The following BORCS5 variants were observed in gnomAD, a reference collection of about 807,000 sequenced individuals.
BORCS5 encodes the protein BLOC-1-related complex subunit 5.
In BORCS5, 17 loss-of-function variants were observed where a neutral mutation model predicts 22.1. The ratio of observed to expected loss-of-function variants is 0.77; its 90% CI spans 0.53 to 1.15. BORCS5 has a LOEUF of 1.15. Among genes scored for constraint, BORCS5 ranks in the 50% most tolerant of loss-of-function variants. The probability of loss-of-function intolerance (pLI) is 0.00; values close to 1 mark genes in which losing one functional copy is unlikely to be tolerated. For missense variants in BORCS5, 247 were observed against 253.2 expected (o/e 0.98, Z 0.17); for synonymous variants, 117 against 99.8 (o/e 1.17, Z -1.03).
chr12:12,423,412 G>A (rs951567980), intron 2 of BORCS5, among the ~76,000 whole-genome samples: 9 of 144,084 alleles, frequency 6.2e-5, no homozygotes, highest in Admixed American at 5.5e-4. Context: ...TTGCAGGGCA[G>A]GTCTAGTATT....
chr12:12,433,322 C>CCAA (rs1942476054), intron 2 of BORCS5, among the ~76,000 whole-genome samples: 1 of 40,670 alleles, frequency 2.5e-5, no homozygotes, highest in Non-Finnish European at 5.2e-5. Flanking sequence ...GACTGTGTCT[C>CCAA]AAAAAAAAAA....
intron 2 of BORCS5, among the ~76,000 whole-genome samples, chr12:12,370,564 T>C (rs1018345262): frequency 1.3e-5 from 2 of 152,234 alleles, no homozygotes; most frequent in Admixed American, 1.3e-4. Context: ...CTACATTTAT[T>C]AGTTTATATT....
intron 2 of BORCS5, among the ~76,000 whole-genome samples, chr12:12,420,529 C>A (rs745923408): frequency 3.3e-5 from 5 of 152,138 alleles, no homozygotes; most frequent in Non-Finnish European, 7.4e-5. Flanking sequence ...GCAATGCGGG[C>A]TCTTTTTTGG....
chr12:12,449,405 G>T (rs185231189), intron 3 of BORCS5, among the ~76,000 whole-genome samples: 3 of 152,126 alleles, frequency 2.0e-5, no homozygotes, highest in Admixed American at 2.0e-4. Flanking sequence ...TTCTTTTCCT[G>T]GTTTGCTGCC....
chr12:12,439,962 C>T (rs1942649207), intron 3 of BORCS5, among the ~76,000 whole-genome samples: 1 of 152,120 alleles, frequency 6.6e-6, no homozygotes, highest in Non-Finnish European at 1.5e-5. Flanking sequence ...GATATTATTC[C>T]AGATGTTTCC....
chr12:12,459,927 C>T (rs557033876), intron 3 of BORCS5, among the ~76,000 whole-genome samples: 1 of 152,282 alleles, frequency 6.6e-6, no homozygotes, highest in South Asian at 2.1e-4. Flanking sequence ...ACCACACTAT[C>T]CTGATTACTG....
At chr12:12,412,925 T>TTA (rs1491404903) in intron 2 of BORCS5, among the ~76,000 whole-genome samples, 2 of 110,536 alleles carry the variant, frequency 1.8e-5, no homozygotes, top group African/African-American at 3.2e-5. Flanking sequence ...TTTTTTTTTT[T>TTA]ATTGATAATT....
intron 2 of BORCS5, among the ~76,000 whole-genome samples, chr12:12,419,627 T>A (rs1233826612): frequency 6.6e-6 from 1 of 152,238 alleles, no homozygotes; most frequent in Non-Finnish European, 1.5e-5. Context: ...CACATTGTCT[T>A]CCACAATGGT....
chr12:12,406,086 T>C (rs576607752), intron 2 of BORCS5, among the ~76,000 whole-genome samples: 3 of 152,368 alleles, frequency 2.0e-5, no homozygotes, highest in African/African-American at 7.2e-5. Context: ...GAAACTGTTT[T>C]ACAGAAACTG....
At position 12,357,350 on chromosome 12, in the gene BORCS5, C is replaced by T; in HGVS notation, c.-102C>T. 2.7e-6 allele frequency: 4 copies of T among 1,501,910 alleles called. No individual in the cohort carries two copies. In the Admixed American group the frequency reaches 8.6e-5, roughly 32 times the overall value. The allele number at this position is 1,501,910 out of a possible 1,614,324, so 93.0% of individuals were successfully genotyped here. A position where few individuals can be genotyped will look rare whatever the true frequency, so the allele number is the denominator to read the frequency against. On this transcript the variant is annotated 5_prime_UTR_variant, in exon 1 of 4. Coordinates refer to ENST00000314565, the MANE Select transcript of BORCS5 (RefSeq NM_058169.6). ...GCCTCGCTGCGGCGCCCAGACTCTGCTTTGCCTCCCCGTCCCGGTCCCTGG... is the reference window on the plus strand; with the variant it reads ...GCCTCGCTGCGGCGCCCAGACTCTGTTTTGCCTCCCCGTCCCGGTCCCTGG...
At chr12:12,393,679 CTG>C (rs1941259740) in intron 2 of BORCS5, among the ~76,000 whole-genome samples, 2 of 53,588 alleles carry the variant, frequency 3.7e-5, no homozygotes, top group Non-Finnish European at 3.9e-5. Context: ...ACCACCATGC[CTG>C]CCTAAATTTT....
chr12:12,435,318 G>A (rs1389752146), intron 2 of BORCS5, among the ~76,000 whole-genome samples: 2 of 152,208 alleles, frequency 1.3e-5, no homozygotes, highest in Admixed American at 1.3e-4. Flanking sequence ...TACTAGCTAT[G>A]TGACGTTTGG....
intron 2 of BORCS5, among the ~76,000 whole-genome samples, chr12:12,431,400 A>G (rs1273383050): frequency 9.1e-6 from 1 of 109,780 alleles, no homozygotes; most frequent in African/African-American, 3.6e-5. Flanking sequence ...TCTTTTGCTA[A>G]TTCTTTTTTT....
chr12:12,447,478 G>A (rs141160430), intron 3 of BORCS5, among the ~76,000 whole-genome samples: 1 of 152,284 alleles, frequency 6.6e-6, no homozygotes, highest in Non-Finnish European at 1.5e-5. Context: ...ATGGGCCTCT[G>A]GACTCTAGAT....
At chr12:12,404,163 G>C (rs1449702071) in intron 2 of BORCS5, among the ~76,000 whole-genome samples, 2 of 152,128 alleles carry the variant, frequency 1.3e-5, no homozygotes, top group African/African-American at 4.8e-5. Flanking sequence ...TGCTCCGGGT[G>C]AGAAATAAAT....
rs1943241971 is a variant in BORCS5, at chr12:12,468,861, C to T, written c.*3085C>T. 1 of 152,164 alleles carries T rather than the reference C, an allele frequency of 6.6e-6. No homozygotes were observed. Among genetic ancestry groups the T allele is most frequent in the Admixed American group, 6.5e-5 (1 of 15,274 alleles). The allele number at this position is 152,164 out of a possible 1,614,324, so 9.4% of individuals were successfully genotyped here. A position where few individuals can be genotyped will look rare whatever the true frequency, so the allele number is the denominator to read the frequency against. ...CTGGCCTTCATGTCTTTGTTTCCCT[C>T]AAAGTTTTATTCTTAGTAACGCTAT... is the stretch of plus-strand genomic sequence containing the variant. On this transcript the variant is annotated 3_prime_UTR_variant, in exon 4 of 4. Transcript: ENST00000314565.
chr12:12,394,659 A>C (rs1462718769), intron 2 of BORCS5, among the ~76,000 whole-genome samples: 1 of 151,956 alleles, frequency 6.6e-6, no homozygotes, highest in Non-Finnish European at 1.5e-5. Flanking sequence ...CCATCTTGCC[A>C]GGCTGATTTT....
At chr12:12,357,661 C>T in intron 1 of BORCS5, 152 bp downstream of exon 1, 2 of 762,106 alleles carry the variant, frequency 2.6e-6, no homozygotes, top group African/African-American at 1.8e-5. Context: ...ACCATCTGTC[C>T]TGGCCTCGAT....
intron 2 of BORCS5, among the ~76,000 whole-genome samples, chr12:12,417,786 C>G (rs895945206): frequency 8.6e-5 from 13 of 152,042 alleles, no homozygotes; most frequent in African/African-American, 3.1e-4. Context: ...GTAGGTAGGA[C>G]TAGTACCATC....
Sources: gnomAD v4.1 joint callset for allele counts (sites outside exome capture counted in the v4.1 genomes callset) on GRCh38, gnomAD v4.1.1 for gene constraint, MANE v1.5 for transcripts, NCBI Gene and HGNC (gene_info 2026-07-23, HGNC 2026-07-21) for gene names.